Variants in LRBA observed in about 807,000 individuals in gnomAD.
LRBA encodes the protein lipopolysaccharide-responsive and beige-like anchor protein.
Under a neutral mutation model 330.0 loss-of-function variants are expected in LRBA, and 176 were observed. The ratio of observed to expected loss-of-function variants is 0.53; its 90% CI spans 0.47 to 0.60. The LOEUF (loss-of-function observed/expected upper bound fraction) is 0.60, where lower values mean the gene tolerates loss of function less well. Ranked by LOEUF, LRBA falls within the 20% of genes least tolerant of loss-of-function variation. The pLI, the probability that LRBA is intolerant of heterozygous loss-of-function variation, is 0.00. For synonymous variants in LRBA, 1,230 were observed against 1,193.0 expected (o/e 1.03, Z -0.64); for missense variants, 3,259 against 3,444.8 (o/e 0.95, Z 1.35).
chr4:150,471,652 C>A lies in LRBA; in HGVS notation c.6639G>T (p.Glu2213Asp). Residue 2213 changes from glutamate to aspartate, a missense_variant, in exon 43 of 57, where the codon GAG (glutamate) becomes GAT (aspartate). Glu to Asp is a conservative substitution (Grantham distance 45, BLOSUM62 2). Coordinates refer to ENST00000651943, the MANE Select transcript of LRBA (RefSeq NM_001364905.1). ...RWQHREISNFEYLMFLNTIAG... is the reference protein window; with the variant it reads ...RWQHREISNFDYLMFLNTIAG... Reference sequence around the variant, plus strand: ...CTATCGTGTTGAGAAACATCAAGTACTCAAAATTAGATATCTCTCTGTGTT... The same window carrying A: ...CTATCGTGTTGAGAAACATCAAGTAATCAAAATTAGATATCTCTCTGTGTT... The A allele has an allele frequency of 6.2e-7, 1 of 1,604,752 alleles. No homozygotes were observed. The highest frequency in any genetic ancestry group is 8.5e-7 in the Non-Finnish European group (1 of 1,176,340).
chr4:150,366,324 T>C (rs1375279763), intron 47 of LRBA, among the ~76,000 whole-genome samples: 1 of 152,206 alleles, frequency 6.6e-6, no homozygotes, highest in Non-Finnish European at 1.5e-5. Flanking sequence ...CTGAGGCTAC[T>C]ATTTTCCTCC....
intron 42 of LRBA, 41 bp from the exon 43 acceptor site, chr4:150,471,780 C>G (rs755508818): frequency 2.3e-6 from 2 of 869,354 alleles, no homozygotes; most frequent in Non-Finnish European, 3.8e-6. Context: ...TTAATTATAT[C>G]ACAATAATAA....
Position 150,730,659 on chromosome 4 carries a change from C to A in LRBA, c.5754+4599G>T, listed in dbSNP as rs545359646. Among the ~76,000 whole-genome samples the A allele has an allele frequency of 2.0e-4, 23 of 117,912 alleles. No individual in the cohort carries two copies. In the East Asian group the frequency reaches 5.6e-3, roughly 29 times the overall value. 77.4% of individuals were successfully genotyped at this position (117,912 alleles called of 152,430 possible). Reference sequence around the variant, plus strand: ...GATCGCATCACTGCACTCCAGCCTGCGTGACAGAGTGAGGCTCTGAAAAAA... The same window carrying A: ...GATCGCATCACTGCACTCCAGCCTGAGTGACAGAGTGAGGCTCTGAAAAAA... On this transcript the variant is annotated intron_variant, in intron 36 of 56. Coordinates refer to ENST00000651943, the MANE Select transcript of LRBA (RefSeq NM_001364905.1).
At chr4:150,342,550 A>G (rs1735733693) in intron 48 of LRBA, among the ~76,000 whole-genome samples, 1 of 152,212 alleles carries the variant, frequency 6.6e-6, no homozygotes, top group Admixed American at 6.5e-5. Flanking sequence ...TTTTCTAAAA[A>G]TTAAAAACAA....
chr4:150,718,094 T>A (rs761369651), intron 36 of LRBA, among the ~76,000 whole-genome samples: 18 of 152,148 alleles, frequency 1.2e-4, no homozygotes, highest in Non-Finnish European at 2.5e-4. Flanking sequence ...ATTTTTTTCA[T>A]AAATATTCTG....
At chr4:150,349,324 T>G (rs985483897) in intron 48 of LRBA, among the ~76,000 whole-genome samples, 2 of 152,180 alleles carry the variant, frequency 1.3e-5, no homozygotes, top group Non-Finnish European at 2.9e-5. Context: ...GTTCTAAAAT[T>G]GTACAGATTA....
intron 2 of LRBA, among the ~76,000 whole-genome samples, chr4:150,950,335 A>T (rs910936082): frequency 1.6e-4 from 25 of 152,294 alleles, no homozygotes; most frequent in African/African-American, 5.8e-4. Flanking sequence ...TCATATTCAA[A>T]TCAATTTGAG....
chr4:150,578,904 G>A (rs1464456774), intron 40 of LRBA, among the ~76,000 whole-genome samples: 1 of 152,216 alleles, frequency 6.6e-6, no homozygotes, highest in Admixed American at 6.5e-5. Flanking sequence ...GCATGCCAAT[G>A]TTGGCACTGC....
At chr4:150,454,166 G>A (rs1180835801) in intron 44 of LRBA, among the ~76,000 whole-genome samples, 5 of 152,102 alleles carry the variant, frequency 3.3e-5, no homozygotes, top group Non-Finnish European at 5.9e-5. Context: ...TTACCATGTT[G>A]GCCAGGATGG....
rs1580875488 is a variant in LRBA, at chr4:150,277,989, G to A, written c.8332C>T (p.Arg2778Ter). ...CCTGTGAGCAGGTACTGCCCATCTC[G>A]GCTCAGCTGGATGGCCTGTGAGACA... ...DDNIRAIQLS[R>*]DGQYLLTGGD... The change falls in exon 56 of 57, where the codon CGA (arginine) becomes TGA (stop). Residue 2778 changes from arginine to a stop codon, truncating the protein, a stop_gained. Transcript: ENST00000651943. LOFTEE classifies it high-confidence loss of function. The A allele has an allele frequency of 1.9e-6, 3 of 1,613,894 alleles. No individual in the cohort carries two copies. Among genetic ancestry groups the A allele is most frequent in the Non-Finnish European group, 2.5e-6 (3 of 1,179,938 alleles).
chr4:150,627,168 C>T (rs1776940211), intron 37 of LRBA, among the ~76,000 whole-genome samples: 1 of 152,008 alleles, frequency 6.6e-6, no homozygotes, highest in Non-Finnish European at 1.5e-5. Flanking sequence ...CTCAGTATTC[C>T]TGGTCCTATT....
Position 150,485,960 on chromosome 4 carries a change from A to G in LRBA, c.6551+1772T>C, listed in dbSNP as rs78794478. ...GTGGGGGAAATGGGGAGATGTGGCC[A>G]AAGTGTACAAACTTTTCATTGTAAG... is the stretch of plus-strand genomic sequence containing the variant. On this transcript the variant is annotated intron_variant, in intron 42 of 56. Transcript: ENST00000651943. 8.6e-3 allele frequency among the ~76,000 whole-genome samples: 1,313 copies of G among 152,034 alleles called. 18 individuals carry two copies. Among genetic ancestry groups the G allele is most frequent in the African/African-American group, 0.03 (1,250 of 41,504 alleles).
At chr4:150,754,264 A>G (rs1300689793) in intron 35 of LRBA, among the ~76,000 whole-genome samples, 1 of 151,932 alleles carries the variant, frequency 6.6e-6, no homozygotes, top group Non-Finnish European at 1.5e-5. Context: ...TAAAATAAAT[A>G]AGAAACATAT....
chr4:150,991,344 C>T (rs953745736), intron 2 of LRBA, among the ~76,000 whole-genome samples: 1 of 152,198 alleles, frequency 6.6e-6, no homozygotes, highest in African/African-American at 2.4e-5. Flanking sequence ...GCACACTCTT[C>T]AGTATTCACC....
chr4:150,656,027 T>C (rs1780154670), intron 37 of LRBA, among the ~76,000 whole-genome samples: 1 of 152,150 alleles, frequency 6.6e-6, no homozygotes, highest in Non-Finnish European at 1.5e-5. Flanking sequence ...GAGGGTAGGG[T>C]AGAAGATGTG....
At chr4:150,880,789 G>A (rs1285394306) in intron 17 of LRBA, among the ~76,000 whole-genome samples, 6 of 152,074 alleles carry the variant, frequency 3.9e-5, no homozygotes, top group Non-Finnish European at 4.4e-5. Context: ...GACAAACTGT[G>A]CATTTGACAA....
At chr4:150,970,556 T>TGTACACAC (rs1166996824) in intron 2 of LRBA, 2 of 41,688 alleles carry the variant, frequency 4.8e-5, no homozygotes, top group Admixed American at 3.0e-4. Context: ...TGTGTGTGTG[T>TGTACACAC]ACACACACAC....
chr4:150,472,354 A>C (rs1756237745), intron 42 of LRBA, among the ~76,000 whole-genome samples: 1 of 152,110 alleles, frequency 6.6e-6, no homozygotes, highest in Admixed American at 6.5e-5. Context: ...AGAATTAGTT[A>C]TTACATTCAA....
chr4:150,884,605 G>A (rs1728746918), intron 17 of LRBA, among the ~76,000 whole-genome samples: 1 of 152,052 alleles, frequency 6.6e-6, no homozygotes, highest in South Asian at 2.1e-4. Context: ...AAAGAAAAAG[G>A]GAAAAAGTAA....
Sources: gnomAD v4.1 joint callset for allele counts (sites outside exome capture counted in the v4.1 genomes callset) on GRCh38, gnomAD v4.1.1 for gene constraint, MANE v1.5 for transcripts, NCBI Gene and HGNC (gene_info 2026-07-23, HGNC 2026-07-21) for gene names.